The following MUC7 variants were observed in gnomAD, a reference collection of about 807,000 sequenced individuals.
MUC7 encodes mucin-7.
MUC7 carries 2 observed loss-of-function variants against 2.5 expected under a neutral mutation model. The observed-to-expected ratio is 0.81, with a 90% CI of 0.33 to 2.55. The LOEUF (loss-of-function observed/expected upper bound fraction) is 2.55, where lower values mean the gene tolerates loss of function less well. Ranked by LOEUF, MUC7 falls within the 30% of genes most tolerant of loss-of-function variation. The pLI, the probability that MUC7 is intolerant of heterozygous loss-of-function variation, is 0.11. For synonymous variants in MUC7, 133 were observed against 173.4 expected (o/e 0.77, Z 1.83); for missense variants, 408 against 455.6 (o/e 0.90, Z 0.95).
chr4:70,454,813 A>G (rs897510611), intron 1 of MUC7, among the ~76,000 whole-genome samples: 8 of 152,196 alleles, frequency 5.3e-5, no homozygotes, highest in African/African-American at 1.9e-4. Context: ...CAAGACAACT[A>G]ATGGCATTTC....
chr4:70,436,338 A>T (rs1212562268), intron 1 of MUC7, among the ~76,000 whole-genome samples: 1 of 152,206 alleles, frequency 6.6e-6, no homozygotes, highest in Non-Finnish European at 1.5e-5. Context: ...AAGGTATACC[A>T]ATCAAACGTA....
At chr4:70,438,261 C>A (rs987331194) in intron 1 of MUC7, among the ~76,000 whole-genome samples, 1 of 152,178 alleles carries the variant, frequency 6.6e-6, no homozygotes, top group African/African-American at 2.4e-5. Flanking sequence ...AAAGTCCAGA[C>A]ATTGCAATAT....
chr4:70,471,677 C>T (rs924442443), upstream of MUC7, among the ~76,000 whole-genome samples: 1 of 152,146 alleles, frequency 6.6e-6, no homozygotes, highest in Admixed American at 6.5e-5. Context: ...GACAAAAAGT[C>T]AAAAATTGTT....
chr4:70,437,509 G>T (rs1733877985), intron 1 of MUC7, among the ~76,000 whole-genome samples: 1 of 152,212 alleles, frequency 6.6e-6, no homozygotes, highest in Admixed American at 6.5e-5. Flanking sequence ...AGGCTCCATG[G>T]GCGTGGGACT....
At chr4:70,478,811 A>G (rs1735083302) in intron 2 of MUC7, among the ~76,000 whole-genome samples, 1 of 148,358 alleles carries the variant, frequency 6.7e-6, no homozygotes. Flanking sequence ...ATGAGAAAAC[A>G]ACTACCCCTG....
At chr4:70,433,795 C>T (rs972057642) in intron 1 of MUC7, among the ~76,000 whole-genome samples, 3 of 152,186 alleles carry the variant, frequency 2.0e-5, no homozygotes, top group African/African-American at 7.2e-5. Flanking sequence ...GTATCCCCAT[C>T]TTGTGCCAGT....
At chr4:70,444,446 A>G (rs903246792) in intron 1 of MUC7, among the ~76,000 whole-genome samples, 31 of 152,096 alleles carry the variant, frequency 2.0e-4, no homozygotes, top group African/African-American at 7.5e-4. Flanking sequence ...ACTCCTTACA[A>G]CTATCACAAC....
At chr4:70,457,757 TGAGA>T (rs1436388228) in intron 1 of MUC7, among the ~76,000 whole-genome samples, 2 of 152,020 alleles carry the variant, frequency 1.3e-5, no homozygotes, top group Admixed American at 6.6e-5. Flanking sequence ...AATGTGTGTG[TGAGA>T]GAGAGATACC....
At chr4:70,478,524 G>A (rs1479138127) in intron 2 of MUC7, among the ~76,000 whole-genome samples, 1 of 152,210 alleles carries the variant, frequency 6.6e-6, no homozygotes, top group African/African-American at 2.4e-5. Flanking sequence ...GGCACATTAA[G>A]TGACTTGACC....
At chr4:70,469,260 G>A (rs1380271865), upstream of MUC7, among the ~76,000 whole-genome samples, 2 of 152,132 alleles carry the variant, frequency 1.3e-5, no homozygotes, top group Non-Finnish European at 2.9e-5. Context: ...ATTAACTCAA[G>A]ATGGATTAAA....
intron 1 of MUC7, among the ~76,000 whole-genome samples, chr4:70,464,400 C>T (rs1221826995): frequency 6.6e-6 from 1 of 152,118 alleles, no homozygotes; most frequent in East Asian, 1.9e-4. Context: ...GAGACAGAAT[C>T]ATTCACTCCC....
At chr4:70,437,251 C>T (rs748308503) in intron 1 of MUC7, among the ~76,000 whole-genome samples, 3 of 152,188 alleles carry the variant, frequency 2.0e-5, no homozygotes, top group East Asian at 1.9e-4. Flanking sequence ...CAGGCAGGGA[C>T]GTTTAAGTCT....
At chr4:70,475,244 A>C (rs1734962903) in intron 2 of MUC7, among the ~76,000 whole-genome samples, 3 of 152,158 alleles carry the variant, frequency 2.0e-5, no homozygotes. Context: ...GCATCACTGC[A>C]CTACAGCCTG....
intron 1 of MUC7, among the ~76,000 whole-genome samples, chr4:70,440,057 G>A (rs997211205): frequency 9.2e-5 from 14 of 151,960 alleles, no homozygotes; most frequent in Admixed American, 5.9e-4. Flanking sequence ...CACCATATAT[G>A]TCATCTCGAA....
rs1403985950 is a variant in MUC7, at chr4:70,480,845, A to G, written c.101A>G (p.His34Arg). ...GATCATGAACTACGTCACAGAAGGC[A>G]TCATCACCAATCACCCAAATCTCAC... ...ERDHELRHRRHHHQSPKSHFE... is the reference protein window; with the variant it reads ...ERDHELRHRRRHHQSPKSHFE... The change falls in exon 3 of 3, where the codon CAT becomes CGT. Residue 34 changes from histidine (H) to arginine (R), a missense_variant. This residue lies in a region of MUC7 where 225 missense variants were observed against 240.5 expected (regional missense o/e 0.94). Transcript: ENST00000304887. 1.2e-6 allele frequency: 2 copies of G among 1,614,018 alleles called. No homozygotes were observed. The highest frequency in any genetic ancestry group is 1.3e-5 in the African/African-American group (1 of 74,920).
Position 70,434,746 on chromosome 4 carries a change from G to A in MUC7, c.-93+4059G>A, listed in dbSNP as rs536807338. 5.9e-5 allele frequency among the ~76,000 whole-genome samples: 9 copies of A among 152,104 alleles called. No individual in the cohort carries two copies. In the South Asian group the frequency reaches 1.2e-3, roughly 21 times the overall value. On this transcript the variant is annotated intron_variant, in intron 1 of 3. Coordinates refer to the MUC7 transcript ENST00000413702. ...ATCTTAATAATTTCTTGCCTTCTGCGAGCTTTTGAAAGTGTTTGCTCTTGC... is the reference window on the plus strand; with the variant it reads ...ATCTTAATAATTTCTTGCCTTCTGCAAGCTTTTGAAAGTGTTTGCTCTTGC...
chr4:70,482,971 C>T lies in MUC7; in HGVS notation c.*1093C>T, dbSNP rs1355431004. 2.0e-5 allele frequency: 3 copies of T among 152,136 alleles called. No homozygotes were observed. The highest frequency in any genetic ancestry group is 2.9e-5 in the Non-Finnish European group (2 of 67,996). The allele number at this position is 152,136 out of a possible 1,614,324, so 9.4% of individuals were successfully genotyped here. On this transcript the variant is annotated 3_prime_UTR_variant, in exon 3 of 3. Coordinates refer to ENST00000304887, the MANE Select transcript of MUC7 (RefSeq NM_152291.3). ...TGATTATGTTAGATTTTTTTGCTAACTAATAAAGATTTCAAATGGCAATTT... is the reference window on the plus strand; with the variant it reads ...TGATTATGTTAGATTTTTTTGCTAATTAATAAAGATTTCAAATGGCAATTT...
intron 1 of MUC7, among the ~76,000 whole-genome samples, chr4:70,472,650 A>AAT (rs1433072562): frequency 1.3e-5 from 2 of 152,124 alleles, no homozygotes; most frequent in African/African-American, 4.8e-5. Flanking sequence ...TACGATTTGT[A>AAT]ATATATATAT....
upstream of MUC7, among the ~76,000 whole-genome samples, chr4:70,471,613 A>G (rs1734837061): frequency 1.3e-5 from 2 of 152,196 alleles, no homozygotes; most frequent in Admixed American, 1.3e-4. Context: ...CCAGGGAATG[A>G]GTATATAGTT....
Sources: gnomAD v4.1 joint callset for allele counts (sites outside exome capture counted in the v4.1 genomes callset) on GRCh38, gnomAD v4.1.1 for gene constraint, gnomAD v4.1.1 regional missense constraint, MANE v1.5 for transcripts, NCBI Gene and HGNC (gene_info 2026-07-23, HGNC 2026-07-21) for gene names.